SVIL: variants seen among roughly 807,000 people sequenced by gnomAD.
The protein encoded by SVIL is supervillin, also known as archvillin.
In SVIL, 101 loss-of-function variants were observed where a neutral mutation model predicts 240.4. The observed-to-expected ratio is 0.42, with a 90% confidence interval of 0.36 to 0.50. The LOEUF is 0.50. Among genes scored for constraint, SVIL ranks in the 20% least tolerant of loss-of-function variants. The probability of loss-of-function intolerance (pLI) is 0.01; values close to 1 mark genes in which losing one functional copy is unlikely to be tolerated. For synonymous variants in SVIL, 999 were observed against 1,100.0 expected, an observed-to-expected ratio of 0.91 and a Z score of 1.82; for missense variants, 2,512 against 2,818.7, an observed-to-expected ratio of 0.89 and a Z score of 2.46.
rs61650112 is a variant in SVIL, at chr10:29,502,806, C to T, written c.3517-3543G>A. 5.6e-3 allele frequency among the ~76,000 whole-genome samples: 852 copies of T among 152,210 alleles called. 8 individuals are homozygous for T. The highest frequency in any genetic ancestry group is 0.019 in the African/African-American group (800 of 41,530). On this transcript the variant is annotated intron_variant, in intron 17 of 37. Coordinates refer to ENST00000355867, the MANE Select transcript of SVIL (RefSeq NM_021738.3). ...AAACTGTGCAAAGGACAAATCAGCACGAATACTTTTAGGTTGCCTGATGTT... is the reference window on the plus strand; with the variant it reads ...AAACTGTGCAAAGGACAAATCAGCATGAATACTTTTAGGTTGCCTGATGTT...
At chr10:29,641,037 T>C (rs371606258) in intron 3 of SVIL, among the ~76,000 whole-genome samples, 4 of 152,358 alleles carry the variant, frequency 2.6e-5, no homozygotes, top group African/African-American at 9.6e-5. Context: ...TTGTCTTTTT[T>C]ATATTTTATG....
At position 29,457,596 on chromosome 10, in the gene SVIL, C is replaced by T. The variant is rs1249146856; in HGVS notation, c.*651G>A. 5 of 152,556 alleles carry T rather than the reference C, an allele frequency of 3.3e-5. No individual in the cohort carries two copies. Among genetic ancestry groups the T allele is most frequent in the South Asian group, 4.1e-4 (2 of 4,830 alleles). The allele number at this position is 152,556 out of a possible 1,614,324, so 9.5% of individuals were successfully genotyped here. ...AGATATTAAGGTAGAAAGGTTGATT[C>T]GCATAGATTCTCCAGAGTCCATGCC... On this transcript the variant is annotated 3_prime_UTR_variant, in exon 38 of 38. Transcript: ENST00000355867.
chr10:29,627,513 A>C (rs984061329), intron 1 of SVIL, among the ~76,000 whole-genome samples: 2 of 152,222 alleles, frequency 1.3e-5, no homozygotes, highest in East Asian at 3.9e-4. Context: ...AGCAGGGAAA[A>C]CACTTCTTTG....
chr10:29,612,212 A>G (rs1467692943), intron 1 of SVIL, among the ~76,000 whole-genome samples: 1 of 152,134 alleles, frequency 6.6e-6, no homozygotes, highest in Non-Finnish European at 1.5e-5. Context: ...GTCCCAGGGA[A>G]TAGGAGGAGC....
intron 21 of SVIL, among the ~76,000 whole-genome samples, chr10:29,491,812 C>T (rs995441224): frequency 6.6e-6 from 1 of 152,200 alleles, no homozygotes; most frequent in Non-Finnish European, 1.5e-5. Flanking sequence ...TATACAACTA[C>T]TTAAACAGTG....
intron 3 of SVIL, among the ~76,000 whole-genome samples, chr10:29,656,027 C>T (rs140560253): frequency 0.01 from 1,546 of 147,454 alleles, 17 homozygotes; most frequent in African/African-American, 0.023. Context: ...TGTGGCACCA[C>T]GCCCAGCTAA....
At chr10:29,687,664 ACT>A (rs2132604887) in intron 1 of SVIL, among the ~76,000 whole-genome samples, 1 of 152,144 alleles carries the variant, frequency 6.6e-6, no homozygotes, top group African/African-American at 2.4e-5. Flanking sequence ...CAGAGTTGAG[ACT>A]CTTTCTCAAT....
chr10:29,608,331 T>A (rs1372022223), intron 1 of SVIL, among the ~76,000 whole-genome samples: 1 of 152,240 alleles, frequency 6.6e-6, no homozygotes, highest in Non-Finnish European at 1.5e-5. Context: ...CAGTGGCCCA[T>A]CTGGGGTGGC....
chr10:29,486,686 A>G, intron 24 of SVIL, 129 bp from the exon 25 acceptor site: 1 of 1,018,882 alleles, frequency 9.8e-7, no homozygotes, highest in Non-Finnish European at 1.4e-6. Context: ...GTGTGGGTGG[A>G]TGCTGGTTAC....
chr10:29,514,976 C>T (rs1160228551), intron 16 of SVIL, among the ~76,000 whole-genome samples: 1 of 152,202 alleles, frequency 6.6e-6, no homozygotes, highest in Non-Finnish European at 1.5e-5. Flanking sequence ...TGTCTATTCA[C>T]TCAGTCAAAT....
rs34220528 is a variant in SVIL, at chr10:29,735,796, C to T, written c.-445G>A. 0.03 allele frequency: 4,564 copies of T among 152,124 alleles called. 83 individuals are homozygous for T. Among genetic ancestry groups the T allele is most frequent in the East Asian group, 0.077 (391 of 5,090 alleles). The allele number at this position is 152,124 out of a possible 1,614,324, so 9.4% of individuals were successfully genotyped here. On this transcript the variant is annotated 5_prime_UTR_variant, in exon 1 of 36. Coordinates refer to the SVIL transcript ENST00000375400. This position sits in a 1 kb window ranked among gnomAD's most constrained non-coding sequence, Gnocchi z 4.1. Reference sequence around the variant, plus strand: ...TCCCGGTGGCAGGATCGCCGCTTCCCGCCGACAGCGGCTCGGCGGCCCCGA... The same window carrying T: ...TCCCGGTGGCAGGATCGCCGCTTCCTGCCGACAGCGGCTCGGCGGCCCCGA...
intron 2 of SVIL, among the ~76,000 whole-genome samples, chr10:29,677,505 C>A (rs1052584359): frequency 6.6e-6 from 1 of 152,282 alleles, no homozygotes; most frequent in Admixed American, 6.5e-5. Context: ...AACTCCTGGA[C>A]TCCATGCAAT....
chr10:29,525,031 C>T (rs968649724), intron 13 of SVIL, among the ~76,000 whole-genome samples: 8 of 152,056 alleles, frequency 5.3e-5, no homozygotes, highest in Non-Finnish European at 7.4e-5. Context: ...TTGTTAGTAT[C>T]GTAATAAGTA....
At chr10:29,658,370 T>C (rs1959065656) in intron 2 of SVIL, among the ~76,000 whole-genome samples, 1 of 152,272 alleles carries the variant, frequency 6.6e-6, no homozygotes. Flanking sequence ...CTTATTTTTC[T>C]GGGAGGACTA....
chr10:29,618,369 T>C (rs922972673), intron 1 of SVIL, among the ~76,000 whole-genome samples: 2 of 152,176 alleles, frequency 1.3e-5, no homozygotes, highest in African/African-American at 2.4e-5. Flanking sequence ...CAACAGGCTG[T>C]TTGCAGCTCC....
At chr10:29,720,503 G>T (rs1220580377) in intron 1 of SVIL, among the ~76,000 whole-genome samples, 1 of 152,166 alleles carries the variant, frequency 6.6e-6, no homozygotes, top group African/African-American at 2.4e-5. Context: ...TTCATCACCA[G>T]AAGTCCTACA....
intron 3 of SVIL, among the ~76,000 whole-genome samples, chr10:29,557,099 C>T (rs542612165): frequency 2.6e-5 from 4 of 152,050 alleles, no homozygotes; most frequent in Admixed American, 1.3e-4. Flanking sequence ...TTTTCTCCCC[C>T]CTCCCTTTCT....
At chr10:29,736,669 T>G (rs1447540358), upstream of SVIL, 1 of 152,244 alleles carries the variant, frequency 6.6e-6, no homozygotes, top group African/African-American at 2.4e-5. Context: ...CGTCCCCACC[T>G]TCCCCCCCGT....
Position 29,551,124 on chromosome 10 carries a change from G to A in SVIL, c.300C>T (p.Ser100=). 1 of 1,614,088 alleles carries A rather than the reference G, an allele frequency of 6.2e-7. No homozygotes were observed. Among genetic ancestry groups the A allele is most frequent in the Non-Finnish European group, 8.5e-7 (1 of 1,180,024 alleles). Residue 100 remains serine, a synonymous_variant, in exon 6 of 38, where the codon TCC becomes TCT. Transcript: ENST00000355867. ...TGTACCTTGCAATTCTTTCGGCTTT[G>A]GACTCCAGACTGTGGGTGTCCATGG... ...SGTMDTHSLE[S]KAERIARYKA...
Sources: allele counts gnomAD v4.1 joint callset (sites outside exome capture counted in the v4.1 genomes callset), GRCh38; gene constraint gnomAD v4.1.1; non-coding constraint Gnocchi (gnomAD v3.1); transcripts MANE v1.5; gene names NCBI Gene and HGNC (gene_info 2026-07-23, HGNC 2026-07-21).